ATP6V1D: variants seen among roughly 807,000 people sequenced by gnomAD.
The protein encoded by ATP6V1D is V-type proton ATPase subunit D.
A neutral mutation model predicts 39.4 loss-of-function variants in ATP6V1D; 20 were observed. The observed-to-expected ratio is 0.51, with a 90% CI of 0.36 to 0.74. The LOEUF (loss-of-function observed/expected upper bound fraction) is 0.74, where lower values mean the gene tolerates loss of function less well. ATP6V1D is among the 30% of genes least tolerant of loss of function. ATP6V1D has a pLI of 0.00. For missense variants in ATP6V1D, 228 were observed against 291.6 expected, an observed-to-expected ratio of 0.78 and a Z score of 1.59; for synonymous variants, 100 against 100.5, an observed-to-expected ratio of 0.99 and a Z score of 0.03.
At chr14:67,342,223 T>TTTAAA (rs1055806138) in intron 7 of ATP6V1D, among the ~76,000 whole-genome samples, 1 of 93,460 alleles carries the variant, frequency 1.1e-5, no homozygotes, top group African/African-American at 6.0e-5. Context: ...TAAAATAAAA[T>TTTAAA]AAAAAAAAAC....
At chr14:67,349,546 C>T (rs750085310) in intron 3 of ATP6V1D, among the ~76,000 whole-genome samples, 6 of 152,136 alleles carry the variant, frequency 3.9e-5, no homozygotes, top group Non-Finnish European at 7.4e-5. Flanking sequence ...CCAGAAAGTG[C>T]CTTCCTGGCA....
intron 2 of ATP6V1D, among the ~76,000 whole-genome samples, chr14:67,351,035 T>C (rs948702244): frequency 4.6e-5 from 7 of 152,226 alleles, no homozygotes; most frequent in African/African-American, 7.2e-5. Flanking sequence ...CCTAATGGTG[T>C]ATTAATTTTA....
rs771874211 is a variant in ATP6V1D at position 67,352,994 on chromosome 14, G to T, written c.88C>A (p.Arg30=). Reference sequence around the variant, plus strand: ...TCAGATTTTTTCTTCAGGAGGTTTCGACCTGTCTGTGCTCCCTTTAAACGA... The same window carrying T: ...TCAGATTTTTTCTTCAGGAGGTTTCTACCTGTCTGTGCTCCCTTTAAACGA... ...KARLKGAQTG[R]NLLKKKSDAL... The change falls in exon 2 of 9, where the codon CGA becomes AGA. Residue 30 remains arginine (R), a synonymous_variant. Transcript: ENST00000216442. The T allele has an allele frequency of 6.2e-7, 1 of 1,613,934 alleles. No individual in the cohort carries two copies. The highest frequency in any genetic ancestry group is 8.5e-7 in the Non-Finnish European group (1 of 1,179,936).
At chr14:67,352,481 T>C (rs985788539) in intron 2 of ATP6V1D, among the ~76,000 whole-genome samples, 17 of 150,650 alleles carry the variant, frequency 1.1e-4, no homozygotes, top group African/African-American at 2.2e-4. Flanking sequence ...CATGCGGTAG[T>C]ACATGCTACA....
chr14:67,356,762 T>C (rs2085687745), intron 1 of ATP6V1D, among the ~76,000 whole-genome samples: 1 of 152,230 alleles, frequency 6.6e-6, no homozygotes, highest in South Asian at 2.1e-4. Flanking sequence ...TGGCTGACTC[T>C]GCACTGACTG....
rs142126455 is a variant in ATP6V1D at position 67,350,681 on chromosome 14, A to T, written c.169T>A (p.Leu57Met). The T allele has an allele frequency of 8.7e-6, 14 of 1,613,308 alleles. No homozygotes were observed. Among genetic ancestry groups the T allele is most frequent in the Admixed American group, 3.3e-5 (2 of 59,870 alleles). Reference protein sequence around the residue: ...ILKKIIETKMLMGEVMREAAF... With the variant: ...ILKKIIETKMMMGEVMREAAF... ...GCTTCTCTCATCACTTCGCCCATCA[A>T]CATTTTAGTCTGGAAAAGCATAAAC... Residue 57 changes from leucine (L) to methionine (M), a missense_variant, in exon 3 of 9, where the codon TTG becomes ATG. By Grantham distance (15) the Leu-to-Met change is conservative. Transcript: ENST00000216442.
chr14:67,353,136 T>C (rs577013513), intron 1 of ATP6V1D, 96 bp from the exon 2 acceptor site: 2 of 916,750 alleles, frequency 2.2e-6, no homozygotes, highest in East Asian at 5.1e-5. Context: ...CTTTATCCTT[T>C]GATGTGATGA....
intron 3 of ATP6V1D, among the ~76,000 whole-genome samples, chr14:67,349,563 G>C (rs1473537584): frequency 1.3e-5 from 2 of 152,148 alleles, no homozygotes; most frequent in African/African-American, 4.8e-5. Context: ...GGCAGGGTGC[G>C]ATAGCTCACG....
intron 8 of ATP6V1D, chr14:67,340,205 A>C: frequency 2.2e-6 from 1 of 456,446 alleles, no homozygotes; most frequent in African/African-American, 1.9e-5. Context: ...AATCAAACCT[A>C]AACAGTTTCT....
intron 4 of ATP6V1D, among the ~76,000 whole-genome samples, chr14:67,348,513 C>G (rs1468208061): frequency 6.6e-6 from 1 of 150,376 alleles, no homozygotes; most frequent in Non-Finnish European, 1.5e-5. Context: ...TGGAACCTGA[C>G]TTCTTTATTT....
Position 67,350,605 on chromosome 14 carries a change from C to A in ATP6V1D, c.239+6G>T. 1 of 1,612,214 alleles carries A rather than the reference C, an allele frequency of 6.2e-7. No individual in the cohort carries two copies. Among genetic ancestry groups the A allele is most frequent in the South Asian group, 1.1e-5 (1 of 90,872 alleles). The stretch of plus-strand genomic sequence containing the variant: ...TGCTTCAAAACACCCCGTTTAGTCC[C>A]CTTACCTGAAGTCACCTGCTGTGAA... On this transcript the variant is annotated splice_donor_region_variant and intron_variant, in intron 3 of 8. Transcript: ENST00000216442.
At chr14:67,340,608 C>A in intron 7 of ATP6V1D, 90 bp from the exon 8 acceptor site, 1 of 1,119,588 alleles carries the variant, frequency 8.9e-7, no homozygotes, top group South Asian at 1.3e-5. Flanking sequence ...TTATTTTTTC[C>A]TAATTGTAAA....
rs1344957025 is a variant in ATP6V1D, at chr14:67,338,632, G to A, written c.733C>T (p.Leu245=). The A allele has an allele frequency of 1.2e-6, 2 of 1,613,484 alleles. No individual in the cohort carries two copies. Among genetic ancestry groups the A allele is most frequent in the Admixed American group, 1.7e-5 (1 of 59,876 alleles). ...CAGAACAGGAAAGATTATTCAAATA[G>A]AAGATCCTCGTCCTTCTCTTCAGCC... ...LLAEEKDEDL[L]FE Residue 245 remains leucine (L), a synonymous_variant, in exon 9 of 9, where the codon CTA becomes TTA. Transcript: ENST00000216442.
Position 67,350,595 on chromosome 14 carries a change from C to A in ATP6V1D, c.239+16G>T, listed in dbSNP as rs1410236605. The A allele has an allele frequency of 6.2e-7, 1 of 1,603,092 alleles. No homozygotes were observed. Among genetic ancestry groups the A allele is most frequent in the East Asian group, 2.2e-5 (1 of 44,570 alleles). On this transcript the variant is annotated intron_variant, in intron 3 of 8. Transcript: ENST00000216442. ...CACTTTGTTTTGCTTCAAAACACCC[C>A]GTTTAGTCCCCTTACCTGAAGTCAC...
chr14:67,341,066 C>T (rs1400804671), intron 7 of ATP6V1D, among the ~76,000 whole-genome samples: 1 of 152,206 alleles, frequency 6.6e-6, no homozygotes, highest in Non-Finnish European at 1.5e-5. Flanking sequence ...TCCCAAAGTG[C>T]CGAGATTGCA....
chr14:67,357,329 T>G (rs1595639538), intron 1 of ATP6V1D, among the ~76,000 whole-genome samples: 2 of 152,260 alleles, frequency 1.3e-5, no homozygotes, highest in East Asian at 3.8e-4. Flanking sequence ...TCAAAAAGTT[T>G]GACCTTTAGC....
intron 1 of ATP6V1D, among the ~76,000 whole-genome samples, chr14:67,358,061 CT>C (rs1431976054): frequency 6.6e-6 from 1 of 151,762 alleles, no homozygotes; most frequent in African/African-American, 2.4e-5. Context: ...AATTCTCCCC[CT>C]AGCTTTGAGC....
intron 5 of ATP6V1D, among the ~76,000 whole-genome samples, chr14:67,346,134 C>A (rs1375433182): frequency 6.6e-6 from 1 of 152,138 alleles, no homozygotes; most frequent in Non-Finnish European, 1.5e-5. Flanking sequence ...AGCTTGATGC[C>A]CCTTATTCCC....
chr14:67,350,272 CTG>C (rs2085647442), intron 3 of ATP6V1D, among the ~76,000 whole-genome samples: 1 of 151,794 alleles, frequency 6.6e-6, no homozygotes, highest in South Asian at 2.1e-4. Context: ...TTCCAAAAAA[CTG>C]AGAATTAACC....
Sources: allele counts gnomAD v4.1 joint callset (sites outside exome capture counted in the v4.1 genomes callset), GRCh38; gene constraint gnomAD v4.1.1; transcripts MANE v1.5; gene names NCBI Gene and HGNC (gene_info 2026-07-23, HGNC 2026-07-21).